CHRM3: variants seen among roughly 807,000 people sequenced by gnomAD.
CHRM3 encodes the protein cholinergic receptor muscarinic 3, also known as muscarinic acetylcholine receptor M3.
Under a neutral mutation model 41.8 loss-of-function variants are expected in CHRM3, and 11 were observed. The ratio of observed to expected loss-of-function variants is 0.26; its 90% CI spans 0.17 to 0.44. The LOEUF is 0.44. Among genes scored for constraint, CHRM3 ranks in the 20% least tolerant of loss-of-function variants. The probability of loss-of-function intolerance (pLI) is 1.00; values close to 1 mark genes in which losing one functional copy is unlikely to be tolerated. For synonymous variants in CHRM3, 297 were observed against 301.4 expected (o/e 0.99, Z 0.15); for missense variants, 571 against 745.4 (o/e 0.77, Z 2.72).
At chr1:239,757,631 G>GA (rs34824685) in intron 5 of CHRM3, among the ~76,000 whole-genome samples, 32,076 of 127,940 alleles carry the variant, frequency 0.25, 4,403 homozygotes, top group East Asian at 0.5. Context: ...CTCCGTCTCA[G>GA]AAAAAAAAAA....
intron 6 of CHRM3, among the ~76,000 whole-genome samples, chr1:239,870,068 T>A (rs1034386099): frequency 5.4e-4 from 82 of 152,296 alleles, no homozygotes; most frequent in Middle Eastern, 6.8e-3. Flanking sequence ...CATTCCTGGG[T>A]CCTTGAAGCT....
At chr1:239,681,538 T>A (rs767140963) in intron 5 of CHRM3, among the ~76,000 whole-genome samples, 5 of 152,168 alleles carry the variant, frequency 3.3e-5, no homozygotes, top group Non-Finnish European at 5.9e-5. Flanking sequence ...ATCAAGCCTC[T>A]GTGTTTAAAA....
chr1:239,484,644 A>AG (rs1667072147), intron 1 of CHRM3, among the ~76,000 whole-genome samples: 1 of 152,116 alleles, frequency 6.6e-6, no homozygotes, highest in Non-Finnish European at 1.5e-5. Context: ...GGTTGCAGTG[A>AG]GGTATGATGG....
intron 5 of CHRM3, among the ~76,000 whole-genome samples, chr1:239,775,721 G>A (rs911432455): frequency 6.6e-6 from 1 of 152,190 alleles, no homozygotes; most frequent in African/African-American, 2.4e-5. Flanking sequence ...CTAGAATGTG[G>A]CATATTGCAC....
intron 2 of CHRM3, among the ~76,000 whole-genome samples, chr1:239,532,895 C>T (rs886459954): frequency 5.3e-5 from 8 of 152,206 alleles, no homozygotes; most frequent in Admixed American, 4.6e-4. Context: ...GTGCTTTTCA[C>T]TAATTCATTA....
intron 1 of CHRM3, among the ~76,000 whole-genome samples, chr1:239,424,873 A>T (rs1662246846): frequency 6.6e-6 from 1 of 152,116 alleles, no homozygotes; most frequent in South Asian, 2.1e-4. Context: ...AATAATCCAA[A>T]CCATTGAGCA....
At chr1:239,471,463 T>G (rs1666117269) in intron 1 of CHRM3, among the ~76,000 whole-genome samples, 1 of 152,186 alleles carries the variant, frequency 6.6e-6, no homozygotes, top group South Asian at 2.1e-4. Context: ...GACGCACAGT[T>G]GACAGGTAGA....
chr1:239,806,414 A>C (rs1251715829), intron 5 of CHRM3, among the ~76,000 whole-genome samples: 1 of 128,992 alleles, frequency 7.8e-6, no homozygotes, highest in Non-Finnish European at 1.6e-5. Context: ...TCCAGGATGG[A>C]GTTACACACA....
In CHRM3 at chr1:239,584,826, G is replaced by C. The variant is rs1049723262; in HGVS notation, c.-313+39077G>C. 4.8e-4 allele frequency among the ~76,000 whole-genome samples: 73 copies of C among 152,228 alleles called. 1 individual carries two copies. Among genetic ancestry groups the C allele is most frequent in the African/African-American group, 1.7e-3 (72 of 41,548 alleles). On this transcript the variant is annotated intron_variant, in intron 3 of 6. Transcript: ENST00000676153. ...TCCAAAGCCAGTTGGAAAAGCGTCT[G>C]TTGGTTATATGGACATTGTGTTGGT...
intron 3 of CHRM3, among the ~76,000 whole-genome samples, chr1:239,576,623 A>ACAC (rs1558333613): frequency 1.6e-5 from 2 of 127,750 alleles, no homozygotes; most frequent in African/African-American, 5.2e-5. Context: ...CACACACACA[A>ACAC]CAAACAAACA....
At chr1:239,452,231 CA>C (rs1290986500) in intron 1 of CHRM3, among the ~76,000 whole-genome samples, 1 of 152,070 alleles carries the variant, frequency 6.6e-6, no homozygotes, top group Non-Finnish European at 1.5e-5. Flanking sequence ...ACTCATGTAA[CA>C]AAAATCACCT....
intron 5 of CHRM3, among the ~76,000 whole-genome samples, chr1:239,766,411 A>C (rs964945968): frequency 6.6e-6 from 1 of 152,144 alleles, no homozygotes; most frequent in African/African-American, 2.4e-5. Context: ...ATCAAGAAAA[A>C]CAACTAATAG....
intron 3 of CHRM3, among the ~76,000 whole-genome samples, chr1:239,604,301 T>C (rs1665970414): frequency 1.2e-5 from 1 of 81,530 alleles, no homozygotes; most frequent in South Asian, 4.7e-4. Context: ...GGTTTTTTTT[T>C]TAACTGACAA....
chr1:239,610,948 A>C (rs1666949748), intron 3 of CHRM3, among the ~76,000 whole-genome samples: 1 of 152,132 alleles, frequency 6.6e-6, no homozygotes, highest in Non-Finnish European at 1.5e-5. Flanking sequence ...GCTACTCGGG[A>C]GACTGAGGCA....
chr1:239,793,778 T>C (rs904155063), intron 5 of CHRM3, among the ~76,000 whole-genome samples: 5 of 150,612 alleles, frequency 3.3e-5, no homozygotes, highest in African/African-American at 9.8e-5. Flanking sequence ...TAGGCAAACA[T>C]GAACTTGTCA....
intron 3 of CHRM3, among the ~76,000 whole-genome samples, chr1:239,575,347 C>T (rs895309459): frequency 6.6e-6 from 1 of 152,124 alleles, no homozygotes; most frequent in Non-Finnish European, 1.5e-5. Flanking sequence ...TTTCTTATAC[C>T]TCCGGCTGAC....
At chr1:239,669,051 A>G (rs16838647) in intron 4 of CHRM3, among the ~76,000 whole-genome samples, 3,521 of 152,228 alleles carry the variant, frequency 0.023, 143 homozygotes, top group African/African-American at 0.08. Context: ...CATCTCCCCG[A>G]AAATTCCCTG....
intron 4 of CHRM3, among the ~76,000 whole-genome samples, chr1:239,670,560 G>A (rs1217452077): frequency 1.3e-5 from 2 of 152,030 alleles, no homozygotes; most frequent in African/African-American, 2.4e-5. Flanking sequence ...GCCCAGGCTG[G>A]AGTGCAGTGA....
At chr1:239,402,420 A>G in intron 1 of CHRM3, among the ~76,000 whole-genome samples, 1 of 152,160 alleles carries the variant, frequency 6.6e-6, no homozygotes, top group East Asian at 1.9e-4. Context: ...CAAGGCTCCA[A>G]TAGCCTCTAA....
Sources: allele counts gnomAD v4.1 joint callset (sites outside exome capture counted in the v4.1 genomes callset), GRCh38; gene constraint gnomAD v4.1.1; transcripts MANE v1.5; gene names NCBI Gene and HGNC (gene_info 2026-07-23, HGNC 2026-07-21).